The following ZNG1E variants were observed in gnomAD, a reference collection of about 807,000 sequenced individuals.
ZNG1E encodes the protein Zn regulated GTPase metalloprotein activator 1E, also known as zinc-regulated GTPase metalloprotein activator 1E.
chr9:65,660,288 G>C, the ZNG1E span, among the ~76,000 whole-genome samples: 1 of 111,424 alleles, frequency 9.0e-6, no homozygotes, highest in Non-Finnish European at 1.7e-5. Flanking sequence ...TAAGAGCTTG[G>C]GAATGAATTA....
chr9:65,672,310 G>A, the ZNG1E span, among the ~76,000 whole-genome samples: 3 of 152,248 alleles, frequency 2.0e-5, no homozygotes, highest in African/African-American at 7.2e-5. Context: ...AGACAAAATA[G>A]CAAAGCTAAA....
the ZNG1E span, among the ~76,000 whole-genome samples, chr9:65,714,671 G>A: frequency 6.6e-6 from 1 of 152,166 alleles, no homozygotes; most frequent in African/African-American, 2.4e-5. Flanking sequence ...CCTCTGCTAG[G>A]GGGTGCCTCC....
the ZNG1E span, chr9:65,693,295 T>G: frequency 1.8e-6 from 1 of 564,300 alleles, no homozygotes; most frequent in Non-Finnish European, 3.0e-6. Flanking sequence ...TAGAATGCAT[T>G]TAAATGAGGT....
the ZNG1E span, among the ~76,000 whole-genome samples, chr9:65,657,465 G>A: frequency 1.3e-5 from 2 of 152,260 alleles, no homozygotes; most frequent in Non-Finnish European, 2.9e-5. Flanking sequence ...AAATAAGCCA[G>A]GCCCAAAAAA....
chr9:65,659,083 T>G, the ZNG1E span, among the ~76,000 whole-genome samples: 1 of 152,224 alleles, frequency 6.6e-6, no homozygotes, highest in Non-Finnish European at 1.5e-5. Flanking sequence ...AAATCCTATG[T>G]GTTTCCGTGC....
chr9:65,670,354 T>C, the ZNG1E span, among the ~76,000 whole-genome samples: 2 of 142,634 alleles, frequency 1.4e-5, no homozygotes, highest in African/African-American at 5.2e-5. Context: ...GTCAGAAAGC[T>C]GAGCTGCTGA....
the ZNG1E span, among the ~76,000 whole-genome samples, chr9:65,694,218 T>A: frequency 2.7e-5 from 4 of 150,900 alleles, no homozygotes; most frequent in Admixed American, 2.7e-4. Context: ...ATTATAGGCA[T>A]GTTTGAATCT....
At chr9:65,656,137 A>G in the ZNG1E span, among the ~76,000 whole-genome samples, 9 of 148,656 alleles carry the variant, frequency 6.1e-5, no homozygotes, top group African/African-American at 1.5e-4. Flanking sequence ...ATGGCCAGTA[A>G]CAAAATTATA....
the ZNG1E span, among the ~76,000 whole-genome samples, chr9:65,693,928 T>C: frequency 0.011 from 1,640 of 149,650 alleles, no homozygotes; most frequent in African/African-American, 0.039. Flanking sequence ...TAAGGGGATA[T>C]GTCAGGTTTG....
the ZNG1E span, among the ~76,000 whole-genome samples, chr9:65,710,486 A>T: frequency 1.3e-5 from 2 of 151,398 alleles, no homozygotes; most frequent in African/African-American, 4.9e-5. Context: ...TTATGGTTTT[A>T]GGTCAAACGT....
the ZNG1E span, among the ~76,000 whole-genome samples, chr9:65,676,672 G>T: frequency 6.6e-6 from 1 of 151,550 alleles, no homozygotes; most frequent in African/African-American, 2.4e-5. Flanking sequence ...AAACCACTGC[G>T]TAGGAAGTAA....
At chr9:65,667,363 A>C in the ZNG1E span, among the ~76,000 whole-genome samples, 1 of 152,258 alleles carries the variant, frequency 6.6e-6, no homozygotes, top group African/African-American at 2.4e-5. Flanking sequence ...ATAAAAATAA[A>C]GTATATGGGT....
At chr9:65,659,417 C>T in the ZNG1E span, among the ~76,000 whole-genome samples, 24,647 of 149,422 alleles carry the variant, frequency 0.16, 141 homozygotes, top group East Asian at 0.27. Flanking sequence ...ATCACTTGAA[C>T]CCAGGAGGTG....
the ZNG1E span, among the ~76,000 whole-genome samples, chr9:65,667,318 G>A: frequency 6.6e-6 from 1 of 152,166 alleles, no homozygotes; most frequent in East Asian, 1.9e-4. Context: ...GTAAATTTAT[G>A]GATAGCAATA....
At chr9:65,688,134 G>A in the ZNG1E span, among the ~76,000 whole-genome samples, 9 of 150,778 alleles carry the variant, frequency 6.0e-5, no homozygotes, top group Non-Finnish European at 1.2e-4. Flanking sequence ...TTTCTCCAGT[G>A]TCTGTCCTGT....
the ZNG1E span, among the ~76,000 whole-genome samples, chr9:65,654,780 ATAGAGGTATGTGTG>A: frequency 6.8e-6 from 1 of 146,924 alleles, no homozygotes; most frequent in East Asian, 2.0e-4. Flanking sequence ...AAACTATGTC[ATAGAGGTATGTGTG>A]TAACCTCATT....
At chr9:65,733,136 G>T in the ZNG1E span, 4 of 1,611,910 alleles carry the variant, frequency 2.5e-6, no homozygotes, top group African/African-American at 5.3e-5. Context: ...AGTCTCAAAG[G>T]ATTCACAGTT....
the ZNG1E span, among the ~76,000 whole-genome samples, chr9:65,687,604 A>G: frequency 2.0e-5 from 3 of 151,004 alleles, no homozygotes; most frequent in Non-Finnish European, 3.0e-5. Flanking sequence ...TGTGAGTATT[A>G]TAGTCTCTGA....
chr9:65,709,383 G>C, the ZNG1E span, among the ~76,000 whole-genome samples: 2 of 147,810 alleles, frequency 1.4e-5, no homozygotes. Flanking sequence ...TTAAGGTTTA[G>C]GGTACATGTG....
Sources: gnomAD v4.1 joint callset for allele counts (sites outside exome capture counted in the v4.1 genomes callset) on GRCh38, gnomAD v4.1.1 for gene constraint, MANE v1.5 for transcripts, NCBI Gene and HGNC (gene_info 2026-07-23, HGNC 2026-07-21) for gene names.